Variants in ASXL2 observed in about 807,000 individuals in gnomAD.
ASXL2 encodes putative Polycomb group protein ASXL2.
A neutral mutation model predicts 122.0 loss-of-function variants in ASXL2; 23 were observed. The ratio of observed to expected loss-of-function variants is 0.19; its 90% CI spans 0.14 to 0.27. The LOEUF is 0.27. ASXL2 is among the 10% of genes least tolerant of loss of function. The probability of loss-of-function intolerance (pLI) is 1.00; values close to 1 mark genes in which losing one functional copy is unlikely to be tolerated. For synonymous variants in ASXL2, 650 were observed against 637.0 expected, an observed-to-expected ratio of 1.02 and a Z score of -0.31; for missense variants, 1,518 against 1,713.8, an observed-to-expected ratio of 0.89 and a Z score of 2.02.
chr2:25,819,538 T>C (rs1487190810), intron 3 of ASXL2, among the ~76,000 whole-genome samples: 1 of 152,232 alleles, frequency 6.6e-6, no homozygotes, highest in Non-Finnish European at 1.5e-5. Context: ...AAAAATGTCC[T>C]ATCGATCCTG....
intron 3 of ASXL2, chr2:25,822,661 G>C (rs1559521090): frequency 6.2e-6 from 4 of 648,032 alleles, no homozygotes; most frequent in South Asian, 5.5e-5. Context: ...ATGATTCCAA[G>C]CATAAAAAAA....
chr2:25,822,834 T>A, intron 3 of ASXL2: 1 of 555,864 alleles, frequency 1.8e-6, no homozygotes, highest in Non-Finnish European at 3.6e-6. Context: ...TTTTGATCGT[T>A]TCTCTGAGAT....
At chr2:25,871,853 T>C (rs542143755) in intron 1 of ASXL2, among the ~76,000 whole-genome samples, 13 of 152,242 alleles carry the variant, frequency 8.5e-5, no homozygotes, top group Non-Finnish European at 1.6e-4. Flanking sequence ...TCAAGTCACC[T>C]TGTACTAACA....
At chr2:25,858,906 T>A (rs1553706554) in intron 1 of ASXL2, among the ~76,000 whole-genome samples, 1 of 146,540 alleles carries the variant, frequency 6.8e-6, no homozygotes, top group African/African-American at 2.5e-5. Context: ...CTCCGTCTCC[T>A]GGGTTCAAGC....
chr2:25,781,556 C>CTTTT (rs75386706), intron 5 of ASXL2, among the ~76,000 whole-genome samples: 2 of 128,730 alleles, frequency 1.6e-5, no homozygotes, highest in African/African-American at 5.6e-5. Context: ...ATCTCAAATT[C>CTTTT]TTTTTTTTTT....
chr2:25,739,821 T>G lies in ASXL2; in HGVS notation c.*2208A>C, dbSNP rs1440206708. 9 of 222,746 alleles carry G rather than the reference T, an allele frequency of 4.0e-5. No homozygotes were observed. The highest frequency in any genetic ancestry group is 8.1e-5 in the Non-Finnish European group (9 of 111,548). 13.8% of individuals were successfully genotyped at this position (222,746 alleles called of 1,614,324 possible). A position where few individuals can be genotyped will look rare whatever the true frequency, so the allele number is the denominator to read the frequency against. On this transcript the variant is annotated 3_prime_UTR_variant, in exon 13 of 13. Coordinates refer to ENST00000435504, the MANE Select transcript of ASXL2 (RefSeq NM_018263.6). ...AAAAATCACTTTCATCAATCCAAAC[T>G]GGTAACTGACATTTAGCATGGAATC... is the stretch of plus-strand genomic sequence containing the variant.
intron 1 of ASXL2, among the ~76,000 whole-genome samples, chr2:25,846,599 G>C (rs1446706084): frequency 6.6e-6 from 1 of 151,916 alleles, no homozygotes; most frequent in African/African-American, 2.4e-5. Flanking sequence ...AGTGAGCTGG[G>C]ATCATGCCAC....
intron 11 of ASXL2, among the ~76,000 whole-genome samples, chr2:25,751,774 C>G (rs2088049479): frequency 6.6e-6 from 1 of 151,966 alleles, no homozygotes; most frequent in South Asian, 2.1e-4. Context: ...ATAGAAAAAT[C>G]AGTTTATAGA....
chr2:25,775,343 G>T (rs1022985630), intron 5 of ASXL2, among the ~76,000 whole-genome samples: 2 of 152,048 alleles, frequency 1.3e-5, no homozygotes, highest in East Asian at 1.9e-4. Flanking sequence ...GGCCAGGCTG[G>T]TCTCAAACTC....
intron 5 of ASXL2, among the ~76,000 whole-genome samples, chr2:25,784,088 AATAAATAAATAT>A (rs2088695917): frequency 7.8e-6 from 1 of 128,118 alleles, no homozygotes; most frequent in South Asian, 2.5e-4. Flanking sequence ...TAAATAAATA[AATAAATAAATAT>A]AAAGTTAGCC....
At chr2:25,856,861 T>C in intron 1 of ASXL2, 1 of 815,620 alleles carries the variant, frequency 1.2e-6, no homozygotes, top group Non-Finnish European at 2.1e-6. Context: ...GAGGTCCAAG[T>C]GGCCCAGTCA....
intron 11 of ASXL2, among the ~76,000 whole-genome samples, chr2:25,750,619 G>A (rs570868522): frequency 3.3e-5 from 5 of 152,252 alleles, no homozygotes; most frequent in South Asian, 4.1e-4. Context: ...CCTACCGTCC[G>A]TGTGATATTA....
intron 3 of ASXL2, chr2:25,810,098 A>G: frequency 1.8e-6 from 1 of 551,630 alleles, no homozygotes; most frequent in Non-Finnish European, 3.6e-6. Flanking sequence ...ATCAGTAAGA[A>G]TCTTGATCTC....
At chr2:25,819,877 T>C (rs1358239104) in intron 3 of ASXL2, among the ~76,000 whole-genome samples, 1 of 152,182 alleles carries the variant, frequency 6.6e-6, no homozygotes, top group African/African-American at 2.4e-5. Flanking sequence ...TTAGAAAATA[T>C]ATTCTGAAGT....
chr2:25,747,307 A>ATACTACATTGTGAATTTTGTTTTCTAC (rs1187432995), intron 12 of ASXL2, among the ~76,000 whole-genome samples: 126 of 152,320 alleles, frequency 8.3e-4, no homozygotes, highest in Non-Finnish European at 1.1e-3. Flanking sequence ...TATAACATTT[A>ATACTACATTGTGAATTTTGTTTTCTAC]TACTACATTG....
chr2:25,753,156 G>A (rs920701901), intron 11 of ASXL2, among the ~76,000 whole-genome samples: 2 of 151,590 alleles, frequency 1.3e-5, no homozygotes, highest in African/African-American at 4.8e-5. Context: ...TTTAAGTAGA[G>A]ACGGGGTTTC....
Position 25,739,851 on chromosome 2 carries a change from C to A in ASXL2, c.*2178G>T, listed in dbSNP as rs2087797745. On this transcript the variant is annotated 3_prime_UTR_variant, in exon 13 of 13. Coordinates refer to ENST00000435504, the MANE Select transcript of ASXL2 (RefSeq NM_018263.6). ...ACTGACATTTAGCATGGAATCAATT[C>A]CAAAACTCTCAACCTCTTCCAGCAT... 1 of 220,828 alleles carries A rather than the reference C, an allele frequency of 4.5e-6. No individual in the cohort carries two copies. The highest frequency in any genetic ancestry group is 1.8e-4 in the South Asian group (1 of 5,434). 13.7% of individuals were successfully genotyped at this position (220,828 alleles called of 1,614,324 possible). A position where few individuals can be genotyped will look rare whatever the true frequency, so the allele number is the denominator to read the frequency against.
intron 1 of ASXL2, chr2:25,856,922 C>G (rs1220160810): frequency 1.5e-6 from 1 of 647,908 alleles, no homozygotes; most frequent in African/African-American, 1.8e-5. Flanking sequence ...GCAGCTGGGA[C>G]AGTGTCCTAT....
rs995527213 is a variant in ASXL2, at chr2:25,807,657, C to G, written c.144-1320G>C. 2.0e-5 allele frequency among the ~76,000 whole-genome samples: 3 copies of G among 152,118 alleles called. No individual in the cohort carries two copies. In the East Asian group the frequency reaches 5.8e-4, roughly 29 times the overall value. On this transcript the variant is annotated intron_variant, in intron 3 of 12. Transcript: ENST00000435504. ...GCTTAAAAAGATATTAACATGTACT[C>G]TTAGCCACTATTATTGAAGTAGTAT... is the stretch of plus-strand genomic sequence containing the variant.
Sources: allele counts gnomAD v4.1 joint callset (sites outside exome capture counted in the v4.1 genomes callset), GRCh38; gene constraint gnomAD v4.1.1; transcripts MANE v1.5; gene names NCBI Gene and HGNC (gene_info 2026-07-23, HGNC 2026-07-21).